The following CADM2 variants were observed in gnomAD, a reference collection of about 807,000 sequenced individuals.
CADM2 encodes cell adhesion molecule 2.
A neutral mutation model predicts 49.8 loss-of-function variants in CADM2; 12 were observed. The ratio of observed to expected loss-of-function variants is 0.24; its 90% CI spans 0.15 to 0.39. The LOEUF is 0.39. CADM2 is among the 10% of genes least tolerant of loss of function. The pLI, the probability that CADM2 is intolerant of heterozygous loss-of-function variation, is 1.00. For missense variants in CADM2, 378 were observed against 492.3 expected, an observed-to-expected ratio of 0.77 and a Z score of 2.20; for synonymous variants, 214 against 175.4, an observed-to-expected ratio of 1.22 and a Z score of -1.74.
At chr3:86,048,831 G>A (rs1173975325) in intron 8 of CADM2, among the ~76,000 whole-genome samples, 5 of 152,056 alleles carry the variant, frequency 3.3e-5, no homozygotes. Flanking sequence ...TTCTACATAA[G>A]ATCCCATCTC....
chr3:85,748,118 CT>C (rs1424077828), intron 2 of CADM2, among the ~76,000 whole-genome samples: 1 of 151,978 alleles, frequency 6.6e-6, no homozygotes, highest in Admixed American at 6.6e-5. Context: ...ACTTTTCCCC[CT>C]GTTGAACCAT....
chr3:85,059,989 T>C (rs1225756187), intron 1 of CADM2, among the ~76,000 whole-genome samples: 2 of 152,162 alleles, frequency 1.3e-5, no homozygotes, highest in Non-Finnish European at 2.9e-5. Context: ...AAGTCAGTTC[T>C]TTGCCTTCAT....
intron 2 of CADM2, among the ~76,000 whole-genome samples, chr3:85,746,352 G>A (rs930799916): frequency 1.6e-4 from 24 of 152,102 alleles, no homozygotes; most frequent in African/African-American, 5.1e-4. Flanking sequence ...TGTATATTTG[G>A]AAAAGCCCTG....
intron 1 of CADM2, among the ~76,000 whole-genome samples, chr3:85,554,345 C>T (rs1332280359): frequency 6.6e-6 from 1 of 152,126 alleles, no homozygotes; most frequent in African/African-American, 2.4e-5. Flanking sequence ...CTTGCTGGCC[C>T]GCAGCGCACC....
chr3:85,929,179 G>T lies in CADM2; in HGVS notation c.701-6588G>T, dbSNP rs545875803. ...ACATCTCCAATGTATTGAACCAAAA[G>T]AGTCATTCTGTCTTGTGAAATAGTA... On this transcript the variant is annotated intron_variant, in intron 6 of 9. Coordinates refer to ENST00000383699, the MANE Select transcript of CADM2 (RefSeq NM_001167675.2). Among the ~76,000 whole-genome samples, 5 of 152,138 alleles carry T rather than the reference G, an allele frequency of 3.3e-5. 1 individual carries two copies. Among genetic ancestry groups the T allele is most frequent in the African/African-American group, 1.2e-4 (5 of 41,534 alleles).
At chr3:85,600,886 G>T (rs1172144225) in intron 1 of CADM2, among the ~76,000 whole-genome samples, 1 of 151,030 alleles carries the variant, frequency 6.6e-6, no homozygotes, top group Admixed American at 6.6e-5. Flanking sequence ...GGGGTAGTTA[G>T]ATGGGGGAAG....
At chr3:85,501,164 C>G (rs1165518444) in intron 1 of CADM2, among the ~76,000 whole-genome samples, 6 of 152,034 alleles carry the variant, frequency 3.9e-5, no homozygotes, top group Non-Finnish European at 8.8e-5. Flanking sequence ...TTATATCAAG[C>G]CTTTAATGAT....
At chr3:85,347,390 A>G (rs1221800415) in intron 1 of CADM2, among the ~76,000 whole-genome samples, 2 of 149,574 alleles carry the variant, frequency 1.3e-5, no homozygotes, top group Non-Finnish European at 3.0e-5. Flanking sequence ...TAAGGACAAT[A>G]TTGTACTTTT....
intron 1 of CADM2, among the ~76,000 whole-genome samples, chr3:85,655,148 T>A (rs985861144): frequency 7.2e-6 from 1 of 138,042 alleles, no homozygotes; most frequent in Non-Finnish European, 1.6e-5. Context: ...GAAACAGGAA[T>A]CCACCTTGGT....
intron 8 of CADM2, among the ~76,000 whole-genome samples, chr3:85,984,252 A>C (rs1418279355): frequency 6.6e-6 from 1 of 150,928 alleles, no homozygotes; most frequent in Non-Finnish European, 1.5e-5. Context: ...TAATTAACTT[A>C]ATATAGTCAT....
intron 2 of CADM2, among the ~76,000 whole-genome samples, chr3:85,741,208 T>C (rs1036330557): frequency 1.3e-5 from 2 of 152,158 alleles, no homozygotes; most frequent in East Asian, 1.9e-4. Context: ...TCTATTTCAG[T>C]ATAAGGAGAT....
At chr3:85,375,268 G>C (rs1381807255) in intron 1 of CADM2, among the ~76,000 whole-genome samples, 1 of 152,136 alleles carries the variant, frequency 6.6e-6, no homozygotes, top group Non-Finnish European at 1.5e-5. Flanking sequence ...AATAGAGTTA[G>C]GCTTTGAAGC....
intron 1 of CADM2, among the ~76,000 whole-genome samples, chr3:85,297,066 A>G (rs547126591): frequency 6.6e-6 from 1 of 152,162 alleles, no homozygotes; most frequent in Non-Finnish European, 1.5e-5. Flanking sequence ...TATCTTATAA[A>G]TCTTTGTATA....
At chr3:85,689,524 G>C (rs73845621) in intron 1 of CADM2, among the ~76,000 whole-genome samples, 2 of 151,954 alleles carry the variant, frequency 1.3e-5, no homozygotes, top group Non-Finnish European at 2.9e-5. Flanking sequence ...TGATCAGGAC[G>C]GTTTACCAGA....
intron 1 of CADM2, among the ~76,000 whole-genome samples, chr3:85,593,071 A>C (rs1559931190): frequency 6.6e-6 from 1 of 151,802 alleles, no homozygotes; most frequent in Non-Finnish European, 1.5e-5. Flanking sequence ...TTCGGTTGCT[A>C]TTTTTCCCTA....
intron 1 of CADM2, among the ~76,000 whole-genome samples, chr3:85,166,304 T>C (rs1294396111): frequency 1.3e-5 from 2 of 151,886 alleles, no homozygotes; most frequent in Non-Finnish European, 3.0e-5. Flanking sequence ...TATATATTAA[T>C]CTGTGGATTG....
intron 1 of CADM2, among the ~76,000 whole-genome samples, chr3:85,661,728 G>T (rs1311620658): frequency 6.6e-6 from 1 of 151,920 alleles, no homozygotes; most frequent in Non-Finnish European, 1.5e-5. Context: ...CAGATGAAGA[G>T]AATTTTAATG....
intron 1 of CADM2, among the ~76,000 whole-genome samples, chr3:85,624,064 A>G (rs1378007055): frequency 6.6e-6 from 1 of 152,152 alleles, no homozygotes; most frequent in Non-Finnish European, 1.5e-5. Flanking sequence ...ATTTTGAGTA[A>G]TTTTAAAATA....
chr3:85,076,741 G>T (rs1456928360), intron 1 of CADM2, among the ~76,000 whole-genome samples: 1 of 151,850 alleles, frequency 6.6e-6, no homozygotes, highest in East Asian at 2.0e-4. Context: ...AGAGGTCGAG[G>T]TGTAAGAGTC....
Sources: allele counts gnomAD v4.1 joint callset (sites outside exome capture counted in the v4.1 genomes callset), GRCh38; gene constraint gnomAD v4.1.1; transcripts MANE v1.5; gene names NCBI Gene and HGNC (gene_info 2026-07-23, HGNC 2026-07-21).